The following CNOT6L variants were observed in gnomAD, a reference collection of about 807,000 sequenced individuals.
CNOT6L encodes CCR4-NOT transcription complex subunit 6-like.
Under a neutral mutation model 64.0 loss-of-function variants are expected in CNOT6L, and 7 were observed. That is an observed-to-expected ratio of 0.11 (90% confidence interval 0.06 to 0.21). The LOEUF (loss-of-function observed/expected upper bound fraction) is 0.21, where lower values mean the gene tolerates loss of function less well. Among genes scored for constraint, CNOT6L ranks in the 10% least tolerant of loss-of-function variants. The pLI is 1.00. For missense variants in CNOT6L, 245 were observed against 669.0 expected (o/e 0.37, Z 6.99); for synonymous variants, 193 against 243.4 (o/e 0.79, Z 1.93).
chr4:77,770,845 C>T (rs906102593), intron 4 of CNOT6L, among the ~76,000 whole-genome samples: 10 of 152,146 alleles, frequency 6.6e-5, no homozygotes, highest in Non-Finnish European at 4.4e-5. Flanking sequence ...ACTAGAAAAA[C>T]TGAATGAAGG....
At chr4:77,804,256 C>T (rs955420420) in intron 1 of CNOT6L, among the ~76,000 whole-genome samples, 2 of 151,656 alleles carry the variant, frequency 1.3e-5, no homozygotes, top group African/African-American at 2.4e-5. Flanking sequence ...GGTGAAACAC[C>T]GTCTCTACTA....
rs953366432 is a variant in CNOT6L, at chr4:77,715,206, T to C, written c.*5225A>G. Reference sequence around the variant, plus strand: ...GCACCAAACTAGAGCCTCCGAAAGATTCTGAAAGCTGAATGGACCATGCTA... The same window carrying C: ...GCACCAAACTAGAGCCTCCGAAAGACTCTGAAAGCTGAATGGACCATGCTA... On this transcript the variant is annotated 3_prime_UTR_variant, in exon 12 of 12. Transcript: ENST00000504123. The C allele has an allele frequency of 6.6e-6, 1 of 152,080 alleles. No individual in the cohort carries two copies. The highest frequency in any genetic ancestry group is 1.5e-5 in the Non-Finnish European group (1 of 67,980). 9.4% of individuals were successfully genotyped at this position (152,080 alleles called of 1,614,324 possible).
At position 77,774,736 on chromosome 4, in the gene CNOT6L, A is replaced by G; in HGVS notation, c.128-20T>C. On this transcript the variant is annotated intron_variant, in intron 2 of 11. Coordinates refer to ENST00000504123, the MANE Select transcript of CNOT6L (RefSeq NM_144571.3). ...CTCTACCTAAAAGGCAAAATACTGA[A>G]GTGTAAAAAAAAACCCCAGGCCCAA... The G allele has an allele frequency of 6.7e-7, 1 of 1,488,566 alleles. No homozygotes were observed. The highest frequency in any genetic ancestry group is 8.9e-7 in the Non-Finnish European group (1 of 1,118,330). The allele number at this position is 1,488,566 out of a possible 1,614,324, so 92.2% of individuals were successfully genotyped here. A position where few individuals can be genotyped will look rare whatever the true frequency, so the allele number is the denominator to read the frequency against.
intron 1 of CNOT6L, among the ~76,000 whole-genome samples, chr4:77,778,445 T>C (rs1477499840): frequency 6.6e-6 from 1 of 151,872 alleles, no homozygotes. Flanking sequence ...TCGCCCAGGC[T>C]GGAGGGCAGT....
chr4:77,792,194 T>A (rs1214324755), intron 1 of CNOT6L, among the ~76,000 whole-genome samples: 3 of 152,170 alleles, frequency 2.0e-5, no homozygotes, highest in Admixed American at 1.3e-4. Context: ...TCTCTTCTTT[T>A]TGAAACCAAA....
chr4:77,779,056 A>G (rs868614604), intron 1 of CNOT6L, among the ~76,000 whole-genome samples: 2 of 95,276 alleles, frequency 2.1e-5, no homozygotes, highest in Non-Finnish European at 4.6e-5. Flanking sequence ...CAAAAAAAAA[A>G]AAAAAACAAA....
intron 1 of CNOT6L, among the ~76,000 whole-genome samples, chr4:77,797,118 A>AAAAAAC (rs1730946250): frequency 1.3e-5 from 2 of 150,526 alleles, no homozygotes; most frequent in African/African-American, 2.4e-5. Context: ...AAAAAAAAAA[A>AAAAAAC]AAAAAAAACT....
At chr4:77,811,553 A>G (rs1732940024) in intron 1 of CNOT6L, among the ~76,000 whole-genome samples, 2 of 152,318 alleles carry the variant, frequency 1.3e-5, no homozygotes, top group African/African-American at 2.4e-5. Context: ...TCTCAAAACA[A>G]AAACAAGAAA....
intron 1 of CNOT6L, among the ~76,000 whole-genome samples, chr4:77,778,951 G>A (rs1373040586): frequency 6.7e-6 from 1 of 150,174 alleles, no homozygotes; most frequent in Non-Finnish European, 1.5e-5. Context: ...GGAGGCTGAG[G>A]TAGGAGAATG....
intron 4 of CNOT6L, among the ~76,000 whole-genome samples, chr4:77,760,713 A>G (rs1454045627): frequency 6.6e-6 from 1 of 151,720 alleles, no homozygotes; most frequent in Non-Finnish European, 1.5e-5. Context: ...AAAGACAGTA[A>G]AAGGAAAGGA....
At chr4:77,816,310 A>G (rs1017156170) in intron 1 of CNOT6L, among the ~76,000 whole-genome samples, 1 of 152,200 alleles carries the variant, frequency 6.6e-6, no homozygotes, top group Non-Finnish European at 1.5e-5. Context: ...ATAAAGTCCA[A>G]TGAAAATTAC....
In CNOT6L at chr4:77,748,113, G is replaced by A. The variant is rs1042195648; in HGVS notation, c.559+203C>T. On this transcript the variant is annotated intron_variant, in intron 6 of 11. Transcript: ENST00000504123. ...ATTACAGAAATAATTTTAAAACCAA[G>A]GGCTGCATTACTGTGAAAGATATAA... Among the ~76,000 whole-genome samples the A allele has an allele frequency of 1.3e-5, 2 of 152,128 alleles. 1 individual carries two copies. The highest frequency in any genetic ancestry group is 4.8e-5 in the African/African-American group (2 of 41,498).
At chr4:77,801,895 T>C (rs1578002712) in intron 1 of CNOT6L, among the ~76,000 whole-genome samples, 1 of 152,266 alleles carries the variant, frequency 6.6e-6, no homozygotes, top group African/African-American at 2.4e-5. Context: ...GCAAAAACTA[T>C]GTCCCCCTGT....
intron 1 of CNOT6L, among the ~76,000 whole-genome samples, chr4:77,818,159 T>C (rs1346321444): frequency 6.6e-6 from 1 of 152,170 alleles, no homozygotes; most frequent in African/African-American, 2.4e-5. Context: ...GGCAATACGG[T>C]AAAATGTAAC....
At position 77,819,349 on chromosome 4, in the gene CNOT6L, G is replaced by A. The variant is rs1238497172; in HGVS notation, c.-41C>T. 1 of 1,612,720 alleles carries A rather than the reference G, an allele frequency of 6.2e-7. No individual in the cohort carries two copies. Among genetic ancestry groups the A allele is most frequent in the South Asian group, 1.1e-5 (1 of 91,032 alleles). On this transcript the variant is annotated 5_prime_UTR_variant, in exon 1 of 12. Coordinates refer to ENST00000504123, the MANE Select transcript of CNOT6L (RefSeq NM_144571.3). ...CAGAAGCAACAGCAGCCATTTCCCC[G>A]CGGCAGGGGAAACACACACACAAAC...
At chr4:77,778,810 C>T (rs1228893070) in intron 1 of CNOT6L, among the ~76,000 whole-genome samples, 1 of 151,026 alleles carries the variant, frequency 6.6e-6, no homozygotes, top group Admixed American at 6.6e-5. Flanking sequence ...TTTGGGAGGC[C>T]GAGGCGGGCT....
intron 1 of CNOT6L, among the ~76,000 whole-genome samples, chr4:77,807,276 C>CAAAAAAAAAAAAAAAAAAAAAAAAAAA (rs58452605): frequency 1.1e-4 from 12 of 108,190 alleles, no homozygotes; most frequent in African/African-American, 4.9e-4. Context: ...GACTCCATCT[C>CAAAAAAAAAAAAAAAAAAAAAAAAAAA]AAAAAAAAAA....
intron 1 of CNOT6L, among the ~76,000 whole-genome samples, chr4:77,811,424 G>A (rs2008222): frequency 0.79 from 119,625 of 151,934 alleles, 47,947 homozygotes; most frequent in Non-Finnish European, 0.86. Flanking sequence ...AAATTAGCCT[G>A]TAGTCCCAGC....
chr4:77,731,338 A>C, intron 9 of CNOT6L, 49 bp downstream of exon 9: 1 of 1,562,622 alleles, frequency 6.4e-7, no homozygotes, highest in Non-Finnish European at 8.7e-7. Flanking sequence ...AGATGGAAAA[A>C]CTTGGGATGG....
Sources: allele counts gnomAD v4.1 joint callset (sites outside exome capture counted in the v4.1 genomes callset), GRCh38; gene constraint gnomAD v4.1.1; transcripts MANE v1.5; gene names NCBI Gene and HGNC (gene_info 2026-07-23, HGNC 2026-07-21).